Variants in NALF1 observed in about 807,000 individuals in gnomAD.
NALF1 encodes NALCN channel auxiliary factor 1.
A neutral mutation model predicts 48.4 loss-of-function variants in NALF1; 3 were observed. The ratio of observed to expected loss-of-function variants is 0.06; its 90% CI spans 0.03 to 0.16. The LOEUF (loss-of-function observed/expected upper bound fraction) is 0.16, where lower values mean the gene tolerates loss of function less well. NALF1 is among the 10% of genes least tolerant of loss of function. The pLI, the probability that NALF1 is intolerant of heterozygous loss-of-function variation, is 1.00. For missense variants in NALF1, 526 were observed against 571.5 expected (o/e 0.92, Z 0.81); for synonymous variants, 262 against 245.7 (o/e 1.07, Z -0.62).
At chr13:107,343,287 A>G (rs1882714990) in intron 1 of NALF1, among the ~76,000 whole-genome samples, 1 of 152,234 alleles carries the variant, frequency 6.6e-6, no homozygotes, top group Non-Finnish European at 1.5e-5. Context: ...GAGTTAATAA[A>G]GAAATTGAAA....
At chr13:107,229,744 T>C (rs955356110) in intron 1 of NALF1, among the ~76,000 whole-genome samples, 3 of 152,144 alleles carry the variant, frequency 2.0e-5, no homozygotes, top group East Asian at 1.9e-4. Context: ...AAGTGCTTAA[T>C]TGGGTTTTGA....
intron 1 of NALF1, among the ~76,000 whole-genome samples, chr13:107,378,767 T>C (rs989456286): frequency 2.6e-5 from 4 of 152,170 alleles, no homozygotes; most frequent in African/African-American, 7.2e-5. Flanking sequence ...GAATTGAAAA[T>C]ATACAGTTAG....
intron 1 of NALF1, among the ~76,000 whole-genome samples, chr13:107,354,139 T>C (rs994169735): frequency 6.6e-6 from 1 of 152,160 alleles, no homozygotes; most frequent in East Asian, 1.9e-4. Flanking sequence ...TAAAATAACA[T>C]AAACAGCATT....
intron 1 of NALF1, among the ~76,000 whole-genome samples, chr13:107,864,747 C>T (rs1172471872): frequency 6.6e-6 from 1 of 152,190 alleles, no homozygotes; most frequent in African/African-American, 2.4e-5. Flanking sequence ...CGGACAGAGA[C>T]GCTTCTATTA....
intron 1 of NALF1, among the ~76,000 whole-genome samples, chr13:107,537,153 A>C (rs887814902): frequency 1.3e-5 from 2 of 152,124 alleles, no homozygotes; most frequent in African/African-American, 4.8e-5. Flanking sequence ...TGGGTGCAGC[A>C]CACCAACATG....
chr13:107,241,890 C>T (rs1880478899), intron 1 of NALF1, among the ~76,000 whole-genome samples: 1 of 152,140 alleles, frequency 6.6e-6, no homozygotes, highest in Non-Finnish European at 1.5e-5. Context: ...TCCCCTTCCT[C>T]CTGGAAGACA....
chr13:107,495,831 T>C (rs1875316515), intron 1 of NALF1, among the ~76,000 whole-genome samples: 1 of 152,150 alleles, frequency 6.6e-6, no homozygotes, highest in African/African-American at 2.4e-5. Context: ...TAATCTGATG[T>C]TCATTGAGGA....
intron 1 of NALF1, among the ~76,000 whole-genome samples, chr13:107,639,310 C>T (rs1880082368): frequency 6.6e-6 from 1 of 152,048 alleles, no homozygotes; most frequent in South Asian, 2.1e-4. Flanking sequence ...CTGATCCCTG[C>T]CAACTTTTTC....
chr13:107,646,345 A>G (rs1265942873), intron 1 of NALF1, among the ~76,000 whole-genome samples: 1 of 151,792 alleles, frequency 6.6e-6, no homozygotes, highest in East Asian at 1.9e-4. Context: ...TTTCACATTC[A>G]CATCCTAACA....
intron 1 of NALF1, among the ~76,000 whole-genome samples, chr13:107,287,603 T>A (rs1881520843): frequency 6.6e-6 from 1 of 152,206 alleles, no homozygotes; most frequent in African/African-American, 2.4e-5. Flanking sequence ...AAGAAATGTA[T>A]CACCACGCCT....
At position 107,603,521 on chromosome 13, in the gene NALF1, G is replaced by A. The variant is rs9671088; in HGVS notation, c.915+262161C>T. ...GATACAGGCTTATTTTTAATATACCGAAGTATATCAAAACAAAAAGATAAA... is the reference window on the plus strand; with the variant it reads ...GATACAGGCTTATTTTTAATATACCAAAGTATATCAAAACAAAAAGATAAA... On this transcript the variant is annotated intron_variant, in intron 1 of 2. Coordinates refer to ENST00000375915, the MANE Select transcript of NALF1 (RefSeq NM_001080396.3). 8.0e-3 allele frequency among the ~76,000 whole-genome samples: 1,216 copies of A among 151,964 alleles called. 8 individuals carry two copies. The highest frequency in any genetic ancestry group is 0.037 in the Middle Eastern group (11 of 294).
At chr13:107,665,202 T>C (rs1880827112) in intron 1 of NALF1, among the ~76,000 whole-genome samples, 1 of 152,142 alleles carries the variant, frequency 6.6e-6, no homozygotes, top group African/African-American at 2.4e-5. Flanking sequence ...AGAAGCCACA[T>C]CTATACTCAA....
chr13:107,818,821 G>A (rs962750291), intron 1 of NALF1, among the ~76,000 whole-genome samples: 6 of 128,974 alleles, frequency 4.7e-5, no homozygotes, highest in African/African-American at 6.4e-5. Flanking sequence ...GCAGTGAGCC[G>A]AGATCGCGCC....
At chr13:107,716,378 C>A (rs1370553054) in intron 1 of NALF1, among the ~76,000 whole-genome samples, 1 of 152,134 alleles carries the variant, frequency 6.6e-6, no homozygotes, top group Non-Finnish European at 1.5e-5. Context: ...CTCTTTAACC[C>A]GCCCTGCAAA....
At chr13:107,341,356 C>CTG (rs150389320) in intron 1 of NALF1, among the ~76,000 whole-genome samples, 74 of 151,284 alleles carry the variant, frequency 4.9e-4, no homozygotes, top group Middle Eastern at 3.4e-3. Flanking sequence ...CCGAAATACC[C>CTG]TGTGTGTGTG....
intron 1 of NALF1, among the ~76,000 whole-genome samples, chr13:107,830,919 T>C (rs1472610726): frequency 1.3e-5 from 2 of 152,226 alleles, no homozygotes; most frequent in African/African-American, 4.8e-5. Flanking sequence ...GATAATCCCA[T>C]GTCCTACATG....
intron 1 of NALF1, among the ~76,000 whole-genome samples, chr13:107,532,668 C>A (rs1041639792): frequency 6.6e-6 from 1 of 151,980 alleles, no homozygotes; most frequent in Non-Finnish European, 1.5e-5. Context: ...ATTTGAGAAT[C>A]TCTTATAGAC....
intron 1 of NALF1, among the ~76,000 whole-genome samples, chr13:107,425,773 C>A (rs1884269397): frequency 6.6e-6 from 1 of 151,882 alleles, no homozygotes; most frequent in Non-Finnish European, 1.5e-5. Flanking sequence ...AATATTGGAT[C>A]CCTCTGTAGT....
chr13:107,754,183 T>C (rs1413800226), intron 1 of NALF1, among the ~76,000 whole-genome samples: 1 of 152,184 alleles, frequency 6.6e-6, no homozygotes, highest in African/African-American at 2.4e-5. Context: ...TACTTTTAAG[T>C]AAAGTTTATT....
Sources: gnomAD v4.1 joint callset for allele counts (sites outside exome capture counted in the v4.1 genomes callset) on GRCh38, gnomAD v4.1.1 for gene constraint, MANE v1.5 for transcripts, NCBI Gene and HGNC (gene_info 2026-07-23, HGNC 2026-07-21) for gene names.